The following LARS1 variants were observed in gnomAD, a reference collection of about 807,000 sequenced individuals.
LARS1 encodes the protein leucine--tRNA ligase, cytoplasmic.
LARS1 carries 100 observed loss-of-function variants against 162.8 expected under a neutral mutation model. The observed-to-expected ratio is 0.61, with a 90% CI of 0.52 to 0.73. The LOEUF (loss-of-function observed/expected upper bound fraction) is 0.73, where lower values mean the gene tolerates loss of function less well. Among genes scored for constraint, LARS1 ranks in the 30% least tolerant of loss-of-function variants. The pLI, the probability that LARS1 is intolerant of heterozygous loss-of-function variation, is 0.00. For synonymous variants in LARS1, 457 were observed against 462.8 expected (o/e 0.99, Z 0.16); for missense variants, 1,258 against 1,408.9 (o/e 0.89, Z 1.71).
intron 31 of LARS1, among the ~76,000 whole-genome samples, chr5:146,114,768 G>A (rs1304870312): frequency 3.3e-5 from 5 of 151,922 alleles, no homozygotes; most frequent in African/African-American, 9.7e-5. Context: ...AGCAGTGGCC[G>A]GGCATGGTGG....
In LARS1 at chr5:146,126,595, T is replaced by C. The variant is rs1223506167; in HGVS notation, c.2881-50A>G. 5 of 1,284,832 alleles carry C rather than the reference T, an allele frequency of 3.9e-6. No individual in the cohort carries two copies. In the Admixed American group the frequency reaches 7.0e-5, roughly 18 times the overall value. 79.6% of individuals were successfully genotyped at this position (1,284,832 alleles called of 1,614,324 possible). ...AATGTAGAAAAAAAAGTCTCAAGAA[T>C]AAGGCAGAACAGTAGATGTGACCAG... On this transcript the variant is annotated intron_variant, in intron 27 of 31. Transcript: ENST00000394434.
chr5:146,179,612 TGAGA>T (rs1207927580), intron 1 of LARS1: 3 of 395,386 alleles, frequency 7.6e-6, no homozygotes, highest in South Asian at 5.5e-5. Flanking sequence ...TGTGTCTGTG[TGAGA>T]GAGAGAGGGT....
chr5:146,144,268 T>C lies in LARS1; in HGVS notation c.1737A>G (p.Leu579=), dbSNP rs1235042875. ...CAGAAAAATTTCAAGTTTGTTTACC[T>C]AGACCATAAGTTCTTGAGCAAGCAT... ...QEHACSRTYG[L]GTHLPWDEQW... The change falls in exon 18 of 32, where the codon CTA becomes CTG. Residue 579 remains leucine, a splice_region_variant and synonymous_variant. Coordinates refer to ENST00000394434, the MANE Select transcript of LARS1 (RefSeq NM_020117.11). 1.9e-6 allele frequency: 3 copies of C among 1,603,980 alleles called. No individual in the cohort carries two copies. Among genetic ancestry groups the C allele is most frequent in the Non-Finnish European group, 2.5e-6 (3 of 1,177,140 alleles).
chr5:146,174,447 A>AATATATATATATATATCCATAT (rs1754418734), intron 2 of LARS1, among the ~76,000 whole-genome samples: 1 of 110,458 alleles, frequency 9.1e-6, no homozygotes, highest in African/African-American at 2.9e-5. Flanking sequence ...CTCTGTCTCA[A>AATATATATATATATATCCATAT]ATATATATAT....
At position 146,131,292 on chromosome 5, in the gene LARS1, T is replaced by C. The variant is rs151311048; in HGVS notation, c.2397-183A>G. On this transcript the variant is annotated intron_variant, in intron 23 of 31. Transcript: ENST00000394434. ...TTTAAAACTGCTCAACACAACACCA[T>C]CTTTGCGTTCCTTAAAACAAATTAC... The C allele has an allele frequency of 3.1e-3, 1,337 of 424,466 alleles. 5 individuals carry two copies. Among genetic ancestry groups the C allele is most frequent in the Non-Finnish European group, 4.3e-3 (1,039 of 240,114 alleles). 26.3% of individuals were successfully genotyped at this position (424,466 alleles called of 1,614,324 possible).
chr5:146,176,409 G>A lies in LARS1; in HGVS notation c.125+1138C>T, dbSNP rs190081321. Among the ~76,000 whole-genome samples, 37 of 143,610 alleles carry A rather than the reference G, an allele frequency of 2.6e-4. No individual in the cohort carries two copies. The East Asian group carries it at 6.7e-3, about 26-fold the overall frequency. 94.2% of individuals were successfully genotyped at this position (143,610 alleles called of 152,430 possible). A position where few individuals can be genotyped will look rare whatever the true frequency, so the allele number is the denominator to read the frequency against. ...GGGGGTTGCAGTGAGCCGAGATGGC[G>A]CCACTGCACTCCAGCCTGATGACAG... On this transcript the variant is annotated intron_variant, in intron 2 of 31. Coordinates refer to ENST00000394434, the MANE Select transcript of LARS1 (RefSeq NM_020117.11).
At chr5:146,152,235 C>T (rs760402551) in intron 13 of LARS1, among the ~76,000 whole-genome samples, 11 of 152,142 alleles carry the variant, frequency 7.2e-5, no homozygotes, top group Non-Finnish European at 1.5e-4. Flanking sequence ...CAATGCCCTT[C>T]CCCCACCACA....
At chr5:146,174,571 C>CATAT (rs1296975402) in intron 2 of LARS1, among the ~76,000 whole-genome samples, 20 of 62,412 alleles carry the variant, frequency 3.2e-4, no homozygotes, top group African/African-American at 1.0e-3. Flanking sequence ...TATATATATC[C>CATAT]ATATATGTAT....
chr5:146,127,218 T>A (rs180738748), intron 27 of LARS1, among the ~76,000 whole-genome samples: 1 of 152,236 alleles, frequency 6.6e-6, no homozygotes, highest in Admixed American at 6.6e-5. Flanking sequence ...AAGGAACATA[T>A]AATACAATTT....
At chr5:146,129,349 T>G (rs1752178245) in intron 25 of LARS1, among the ~76,000 whole-genome samples, 1 of 152,146 alleles carries the variant, frequency 6.6e-6, no homozygotes, top group African/African-American at 2.4e-5. Context: ...TACAAGCATA[T>G]TAATACCCAC....
At chr5:146,162,353 T>C (rs1377541164) in intron 6 of LARS1, among the ~76,000 whole-genome samples, 1 of 152,214 alleles carries the variant, frequency 6.6e-6, no homozygotes, top group Non-Finnish European at 1.5e-5. Flanking sequence ...TTCATCTCCT[T>C]GTATATCTCC....
rs778538605 is a variant in LARS1 at position 146,177,594 on chromosome 5, A to T, written c.78T>A (p.Thr26=). The change falls in exon 2 of 32, where the codon ACT becomes ACA. Residue 26 remains threonine (T), a synonymous_variant. Coordinates refer to ENST00000394434, the MANE Select transcript of LARS1 (RefSeq NM_020117.11). ...ATGCATTGACCTCAAACACTCTCTC[A>T]GTATCCCATTTCTGTTGGATTTCTT... The part of the protein sequence containing the change: ...IEKEIQQKWD[T]ERVFEVNASN... 5 of 1,605,354 alleles carry T rather than the reference A, an allele frequency of 3.1e-6. No homozygotes were observed. Among genetic ancestry groups the T allele is most frequent in the Middle Eastern group, 3.3e-4 (2 of 6,044 alleles).
chr5:146,171,591 A>G (rs191951095), intron 4 of LARS1, among the ~76,000 whole-genome samples: 2 of 152,318 alleles, frequency 1.3e-5, no homozygotes, highest in Admixed American at 6.5e-5. Flanking sequence ...TACATATGTC[A>G]TAAGTGCACA....
chr5:146,150,593 C>T (rs1453824992), intron 14 of LARS1, among the ~76,000 whole-genome samples: 5 of 147,626 alleles, frequency 3.4e-5, no homozygotes, highest in Non-Finnish European at 7.4e-5. Flanking sequence ...AGCCACTCCA[C>T]TCCAGCCTGG....
chr5:146,131,063 T>G lies in LARS1; in HGVS notation c.2443A>C (p.Met815Leu). ...GTTTTCAAAGCTTCTTTAAACATCA[T>G]CTTTTCATAGTTTTGATCTGTTTTT... ...IIKTDQNYEK[M>L]MFKEALKTGF... The change falls in exon 24 of 32, where the codon ATG becomes CTG. Residue 815 changes from methionine to leucine, a missense_variant. Transcript: ENST00000394434. 1 of 1,598,834 alleles carries G rather than the reference T, an allele frequency of 6.3e-7. No homozygotes were observed. Among genetic ancestry groups the G allele is most frequent in the Non-Finnish European group, 8.5e-7 (1 of 1,170,556 alleles).
chr5:146,136,517 G>C (rs1352552532), intron 21 of LARS1, among the ~76,000 whole-genome samples: 5 of 142,628 alleles, frequency 3.5e-5, no homozygotes, highest in African/African-American at 1.3e-4. Flanking sequence ...GTCTTGCTCT[G>C]TTACCCAGGC....
chr5:146,140,888 T>C (rs536071435), intron 20 of LARS1, among the ~76,000 whole-genome samples: 3 of 152,136 alleles, frequency 2.0e-5, no homozygotes, highest in East Asian at 1.9e-4. Flanking sequence ...CACACACACA[T>C]ATATATACAC....
intron 22 of LARS1, 75 bp downstream of exon 22, chr5:146,135,526 C>A: frequency 9.1e-7 from 1 of 1,101,256 alleles, no homozygotes; most frequent in Non-Finnish European, 1.3e-6. Context: ...AAAATTAAAA[C>A]ACCAATTTTA....
chr5:146,135,714 A>G, intron 21 of LARS1, 50 bp from the exon 22 acceptor site: 1 of 1,322,902 alleles, frequency 7.6e-7, no homozygotes, highest in South Asian at 1.4e-5. Context: ...ATATAAATAA[A>G]CCAAATGAGC....
Sources: gnomAD v4.1 joint callset for allele counts (sites outside exome capture counted in the v4.1 genomes callset) on GRCh38, gnomAD v4.1.1 for gene constraint, MANE v1.5 for transcripts, NCBI Gene and HGNC (gene_info 2026-07-23, HGNC 2026-07-21) for gene names.